OGT: variants seen among roughly 807,000 people sequenced by gnomAD.
The protein encoded by OGT is UDP-N-acetylglucosamine--peptide N-acetylglucosaminyltransferase 110 kDa subunit.
OGT carries 3 observed loss-of-function variants against 75.8 expected under a neutral mutation model. The observed-to-expected ratio is 0.04, with a 90% CI of 0.02 to 0.10. The LOEUF is 0.10. Among genes scored for constraint, OGT ranks in the 10% least tolerant of loss-of-function variants. The pLI is 1.00. For synonymous variants in OGT, 257 were observed against 289.7 expected (o/e 0.89, Z 1.15); for missense variants, 260 against 824.4 (o/e 0.32, Z 8.38).
intron 4 of OGT, chrX:71,547,038 C>T (rs1296792219): frequency 2.7e-6 from 2 of 753,478 alleles, no homozygotes; most frequent in South Asian, 6.8e-5. Flanking sequence ...CTATGTAGCG[C>T]AGCAGTTCGC....
chrX:71,573,808 A>G lies in OGT; in HGVS notation c.*14A>G, dbSNP rs772000251. ...GAGTCAGCATAAATAAAGACTGCAC[A>G]GGAGAATTACCCCTATACCTGAGCC... On this transcript the variant is annotated 3_prime_UTR_variant, in exon 22 of 22. Transcript: ENST00000373719. The G allele has an allele frequency of 4.3e-6, 5 of 1,168,600 alleles. No individual in the cohort carries two copies. Among genetic ancestry groups the G allele is most frequent in the Non-Finnish European group, 5.7e-6 (5 of 869,682 alleles).
chrX:71,547,760 C>T (rs186217932), intron 4 of OGT, 147 bp from the exon 5 acceptor site: 11 of 1,120,569 alleles, frequency 9.8e-6, no homozygotes, highest in Non-Finnish European at 1.2e-6. Flanking sequence ...GCCTATGCTG[C>T]AGGGTCACTT....
chrX:71,555,682 C>A, intron 7 of OGT: 1 of 397,743 alleles, frequency 2.5e-6, no homozygotes, highest in Non-Finnish European at 4.3e-6. Flanking sequence ...ATGATTGTGC[C>A]ACAGCACTCC....
In OGT at chrX:71,575,167, C is replaced by T. The variant is rs1220443772; in HGVS notation, c.*1373C>T. 1.8e-5 allele frequency: 2 copies of T among 111,843 alleles called. No homozygotes were observed. Among genetic ancestry groups the T allele is most frequent in the African/African-American group, 6.5e-5 (2 of 30,750 alleles). 9.2% of individuals were successfully genotyped at this position (111,843 alleles called of 1,213,427 possible). A position where few individuals can be genotyped will look rare whatever the true frequency, so the allele number is the denominator to read the frequency against. Reference sequence around the variant, plus strand: ...GCCAACATATGAATATATGTTTTGTCTCGCTATACTGCACTTACGCTATCC... The same window carrying T: ...GCCAACATATGAATATATGTTTTGTTTCGCTATACTGCACTTACGCTATCC... On this transcript the variant is annotated 3_prime_UTR_variant, in exon 22 of 22. Transcript: ENST00000373719.
At chrX:71,542,596 C>A (rs888491636) in intron 3 of OGT, among the ~76,000 whole-genome samples, 33 of 111,883 alleles carry the variant, frequency 2.9e-4, no homozygotes, top group African/African-American at 1.0e-3. Flanking sequence ...CAGCTGGCTA[C>A]TATGTATGGC....
intron 4 of OGT, chrX:71,545,135 CA>C (rs1342450288): frequency 8.8e-6 from 1 of 114,059 alleles, no homozygotes; most frequent in Admixed American, 9.2e-5. Flanking sequence ...ACCCTTTTTA[CA>C]GTGGAAGAAA....
intron 14 of OGT, among the ~76,000 whole-genome samples, chrX:71,561,358 A>G (rs2040382858): frequency 9.1e-6 from 1 of 110,089 alleles, no homozygotes; most frequent in Admixed American, 9.8e-5. Flanking sequence ...TCAAATACCA[A>G]TTCTAGGCTG....
chrX:71,564,770 GT>G lies in OGT; in HGVS notation c.2589+19del, dbSNP rs201712723. ...TGGGCAAACGTGAGTATGCAAGTAT[GT>G]TAGAGACTAATAAAGATTTTGTATC... On this transcript the variant is annotated intron_variant, in intron 19 of 21. Coordinates refer to ENST00000373719, the MANE Select transcript of OGT (RefSeq NM_181672.3). 8,756 of 1,134,900 alleles carry G rather than the reference GT, an allele frequency of 7.7e-3. 447 individuals are homozygous for G. The African/African-American group carries it at 0.14, about 18-fold the overall frequency. The allele number at this position is 1,134,900 out of a possible 1,213,427, so 93.5% of individuals were successfully genotyped here. A position where few individuals can be genotyped will look rare whatever the true frequency, so the allele number is the denominator to read the frequency against.
intron 21 of OGT, among the ~76,000 whole-genome samples, chrX:71,572,749 A>G (rs1461217729): frequency 3.6e-5 from 4 of 112,200 alleles, no homozygotes; most frequent in Non-Finnish European, 7.5e-5. Flanking sequence ...CCTGGGCAAC[A>G]GAGTGAGACT....
At chrX:71,535,915 TAA>T (rs2040172466) in intron 1 of OGT, among the ~76,000 whole-genome samples, 2 of 112,102 alleles carry the variant, frequency 1.8e-5, no homozygotes, top group Admixed American at 1.9e-4. Context: ...TTTTTGGTCA[TAA>T]AATGTAATCT....
At chrX:71,548,678 G>T (rs978913146) in intron 5 of OGT, among the ~76,000 whole-genome samples, 44 of 111,420 alleles carry the variant, frequency 3.9e-4, no homozygotes, top group African/African-American at 1.4e-3. Flanking sequence ...ACCAAATATT[G>T]CATGTTCTCA....
At chrX:71,538,416 T>C (rs1038850015) in intron 3 of OGT, among the ~76,000 whole-genome samples, 2 of 112,192 alleles carry the variant, frequency 1.8e-5, no homozygotes, top group African/African-American at 6.5e-5. Context: ...TTTCAAGGAA[T>C]GGTGGATAAT....
At chrX:71,568,598 C>T (rs191199779) in intron 21 of OGT, among the ~76,000 whole-genome samples, 50 of 110,764 alleles carry the variant, frequency 4.5e-4, no homozygotes, top group African/African-American at 1.4e-3. Context: ...GAGGCTTAGG[C>T]GGGCGGATCA....
intron 3 of OGT, among the ~76,000 whole-genome samples, chrX:71,543,758 GTGTGTGTGTATA>G (rs1475833092): frequency 4.7e-5 from 3 of 63,362 alleles, no homozygotes; most frequent in African/African-American, 1.2e-4. Context: ...GTGTGTGTGT[GTGTGTGTGTATA>G]TATATATATA....
intron 4 of OGT, chrX:71,547,027 T>C (rs1413238037): frequency 1.3e-6 from 1 of 753,543 alleles, no homozygotes; most frequent in Non-Finnish European, 1.6e-6. Flanking sequence ...CTAGGGGTGT[T>C]CTATGTAGCG....
At position 71,556,004 on chromosome X, in the gene OGT, C is replaced by T; in HGVS notation, c.975C>T (p.Thr325=). The T allele has an allele frequency of 8.3e-7, 1 of 1,210,495 alleles. No homozygotes were observed. The highest frequency in any genetic ancestry group is 1.1e-6 in the Non-Finnish European group (1 of 894,438). ...CYNTALRLCP[T]HADSLNNLAN... ...ATACAGCTCTCCGTCTGTGTCCCAC[C>T]CATGCAGACTCTCTGAATAACCTAG... Residue 325 remains threonine, a synonymous_variant, in exon 8 of 22, where the codon ACC becomes ACT. Transcript: ENST00000373719.
rs2040329246 is a variant in OGT at position 71,554,589 on chromosome X, A to G, written c.725A>G (p.Asp242Gly). Reference sequence around the variant, plus strand: ...GTCTTGAAAGAGGCACGCATTTTTGACAGGTGAGAGAATGTTCTGTTTAAT... The same window carrying G: ...GTCTTGAAAGAGGCACGCATTTTTGGCAGGTGAGAGAATGTTCTGTTTAAT... ...GNVLKEARIFDRAVAAYLRAL... is the reference protein window; with the variant it reads ...GNVLKEARIFGRAVAAYLRAL... Residue 242 changes from aspartate to glycine, a missense_variant, in exon 6 of 22, where the codon GAC (aspartate) becomes GGC (glycine). Coordinates refer to ENST00000373719, the MANE Select transcript of OGT (RefSeq NM_181672.3). 1 of 1,185,682 alleles carries G rather than the reference A, an allele frequency of 8.4e-7. No homozygotes were observed. The highest frequency in any genetic ancestry group is 1.1e-6 in the Non-Finnish European group (1 of 873,127).
chrX:71,564,453 C>T (rs2040403532), intron 18 of OGT, 148 bp from the exon 19 acceptor site: 8 of 472,637 alleles, frequency 1.7e-5, no homozygotes, highest in Non-Finnish European at 2.4e-5. Context: ...AATGCTGCAA[C>T]GGTTTGCCTT....
chrX:71,537,269 A>G (rs1330468834), intron 2 of OGT, among the ~76,000 whole-genome samples: 3 of 110,330 alleles, frequency 2.7e-5, no homozygotes, highest in Non-Finnish European at 3.8e-5. Context: ...CGCCCGGCCA[A>G]TGTGGTAGTT....
Sources: gnomAD v4.1 joint callset for allele counts (sites outside exome capture counted in the v4.1 genomes callset) on GRCh38, gnomAD v4.1.1 for gene constraint, MANE v1.5 for transcripts, NCBI Gene and HGNC (gene_info 2026-07-23, HGNC 2026-07-21) for gene names.